The following CPQ variants were observed in gnomAD, a reference collection of about 807,000 sequenced individuals.
CPQ encodes carboxypeptidase Q, also known as Ser-Met dipeptidase.
A neutral mutation model predicts 45.7 loss-of-function variants in CPQ; 37 were observed. The observed-to-expected ratio is 0.81, with a 90% CI of 0.62 to 1.07. The LOEUF (loss-of-function observed/expected upper bound fraction) is 1.07. Among genes scored for constraint, CPQ ranks in the 50% least tolerant of loss-of-function variants. The probability of loss-of-function intolerance (pLI) is 0.00; values close to 1 mark genes in which losing one functional copy is unlikely to be tolerated. For missense variants in CPQ, 537 were observed against 572.9 expected (o/e 0.94, Z 0.64); for synonymous variants, 186 against 205.8 (o/e 0.90, Z 0.82).
At chr8:96,794,479 T>C (rs1301202575) in intron 2 of CPQ, among the ~76,000 whole-genome samples, 1 of 152,184 alleles carries the variant, frequency 6.6e-6, no homozygotes, top group Admixed American at 6.5e-5. Flanking sequence ...CTCCTAGGCC[T>C]TCAGGCCTGT....
At chr8:96,761,916 A>G (rs940850967) in intron 1 of CPQ, among the ~76,000 whole-genome samples, 1 of 152,180 alleles carries the variant, frequency 6.6e-6, no homozygotes, top group African/African-American at 2.4e-5. Flanking sequence ...GAACATAGCA[A>G]ATATAACTAG....
chr8:96,724,525 A>ACACACC (rs1040690569), intron 1 of CPQ, among the ~76,000 whole-genome samples: 7 of 142,798 alleles, frequency 4.9e-5, no homozygotes, highest in African/African-American at 1.8e-4. Flanking sequence ...ACACACACAC[A>ACACACC]CCCCTAGGAA....
At chr8:96,727,637 C>A (rs940511972) in intron 1 of CPQ, among the ~76,000 whole-genome samples, 15 of 152,098 alleles carry the variant, frequency 9.9e-5, no homozygotes, top group Non-Finnish European at 8.8e-5. Flanking sequence ...TTCCAGATTC[C>A]GGATTTTTTT....
chr8:97,096,603 G>A (rs909376926), intron 7 of CPQ, among the ~76,000 whole-genome samples: 6 of 152,194 alleles, frequency 3.9e-5, no homozygotes, highest in Non-Finnish European at 7.3e-5. Flanking sequence ...ATATGTGCCT[G>A]AACAGTTGAG....
chr8:96,967,022 C>G (rs1813578068), intron 5 of CPQ, among the ~76,000 whole-genome samples: 1 of 152,098 alleles, frequency 6.6e-6, no homozygotes, highest in Admixed American at 6.5e-5. Flanking sequence ...AGAAGTTATC[C>G]AGCAAATAAA....
intron 1 of CPQ, among the ~76,000 whole-genome samples, chr8:96,741,686 G>A (rs1423598865): frequency 3.3e-5 from 5 of 152,060 alleles, no homozygotes; most frequent in East Asian, 1.9e-4. Flanking sequence ...CTTTGTTCTC[G>A]TTGGTTTCAA....
intron 1 of CPQ, among the ~76,000 whole-genome samples, chr8:96,684,267 C>T (rs996913556): frequency 3.3e-5 from 5 of 152,128 alleles, no homozygotes; most frequent in South Asian, 2.1e-4. Flanking sequence ...TGGTTGGGCA[C>T]GGTAGTATAG....
At chr8:96,742,241 G>C (rs575560619) in intron 1 of CPQ, among the ~76,000 whole-genome samples, 2 of 152,080 alleles carry the variant, frequency 1.3e-5, no homozygotes, top group Non-Finnish European at 2.9e-5. Flanking sequence ...GTCCTTCTTT[G>C]TCTCTTTTGA....
chr8:96,796,555 C>A (rs1168250488), intron 2 of CPQ, among the ~76,000 whole-genome samples: 1 of 152,102 alleles, frequency 6.6e-6, no homozygotes, highest in East Asian at 1.9e-4. Context: ...TAATAGACTG[C>A]AAAATAGCAA....
intron 4 of CPQ, among the ~76,000 whole-genome samples, chr8:96,923,401 C>T (rs1812834059): frequency 6.6e-6 from 1 of 152,166 alleles, no homozygotes; most frequent in South Asian, 2.1e-4. Flanking sequence ...AGCATTTAAC[C>T]AGATTCTAGA....
intron 1 of CPQ, among the ~76,000 whole-genome samples, chr8:96,696,452 TA>T (rs536986208): frequency 1.5e-4 from 22 of 146,514 alleles, no homozygotes; most frequent in East Asian, 2.0e-4. Context: ...AATAATAAAT[TA>T]AAAAAAAAGA....
chr8:96,949,138 G>A (rs1317973297), intron 4 of CPQ, among the ~76,000 whole-genome samples: 4 of 152,070 alleles, frequency 2.6e-5, no homozygotes, highest in African/African-American at 9.7e-5. Flanking sequence ...TTAAAATTCA[G>A]TGTAATAATT....
rs545123545 is a variant in CPQ at position 96,901,983 on chromosome 8, A to G, written c.849+21978A>G. On this transcript the variant is annotated intron_variant, in intron 4 of 7. Transcript: ENST00000220763. ...TCAAAAATTTCATATTTGTCGTTCC[A>G]GGAATTCAGCTTAATAAGACTACAC... Among the ~76,000 whole-genome samples, 141 of 152,332 alleles carry G rather than the reference A, an allele frequency of 9.3e-4. 1 individual carries two copies. Among genetic ancestry groups the G allele is most frequent in the African/African-American group, 3.2e-3 (134 of 41,576 alleles).
chr8:96,979,983 T>C (rs1224946463), intron 5 of CPQ, among the ~76,000 whole-genome samples: 1 of 152,186 alleles, frequency 6.6e-6, no homozygotes, highest in Non-Finnish European at 1.5e-5. Flanking sequence ...CCTCCTTTCT[T>C]AATCCTTAAA....
chr8:96,996,083 G>A (rs760199964), intron 5 of CPQ, among the ~76,000 whole-genome samples: 9 of 152,100 alleles, frequency 5.9e-5, no homozygotes, highest in East Asian at 1.9e-4. Context: ...CAGGGTGGAC[G>A]ATGGTGTTAA....
chr8:97,027,258 G>C (rs953099804), intron 5 of CPQ, among the ~76,000 whole-genome samples: 1 of 152,026 alleles, frequency 6.6e-6, no homozygotes, highest in Non-Finnish European at 1.5e-5. Flanking sequence ...ATGAATGTGG[G>C]CAGGTGGTTT....
At chr8:97,032,032 C>G (rs952108512) in intron 6 of CPQ, among the ~76,000 whole-genome samples, 2 of 152,124 alleles carry the variant, frequency 1.3e-5, no homozygotes, top group African/African-American at 4.8e-5. Flanking sequence ...AAGCAAGTCA[C>G]AAACCACAAG....
intron 5 of CPQ, among the ~76,000 whole-genome samples, chr8:97,013,566 A>C (rs181277017): frequency 6.6e-6 from 1 of 152,300 alleles, no homozygotes; most frequent in East Asian, 1.9e-4. Context: ...AGCAGGAGGA[A>C]TTGGAGCTGG....
At chr8:96,876,246 A>G (rs1052190569) in intron 3 of CPQ, among the ~76,000 whole-genome samples, 4 of 151,992 alleles carry the variant, frequency 2.6e-5, no homozygotes, top group Middle Eastern at 3.2e-3. Context: ...TATATGTAAG[A>G]TCATGTCACT....
Sources: allele counts gnomAD v4.1 joint callset (sites outside exome capture counted in the v4.1 genomes callset), GRCh38; gene constraint gnomAD v4.1.1; transcripts MANE v1.5; gene names NCBI Gene and HGNC (gene_info 2026-07-23, HGNC 2026-07-21).